The following CDYL2 variants were observed in gnomAD, a reference collection of about 807,000 sequenced individuals.
CDYL2 encodes the protein chromodomain Y-like protein 2.
CDYL2 carries 23 observed loss-of-function variants against 49.4 expected under a neutral mutation model. The observed-to-expected ratio is 0.47, with a 90% CI of 0.34 to 0.66. CDYL2 has a LOEUF of 0.66. CDYL2 is among the 30% of genes least tolerant of loss of function. CDYL2 has a pLI of 0.01. For synonymous variants in CDYL2, 360 were observed against 268.8 expected (o/e 1.34, Z -3.32); for missense variants, 678 against 656.4 (o/e 1.03, Z -0.36).
At chr16:80,631,844 A>G (rs1047605168) in intron 3 of CDYL2, among the ~76,000 whole-genome samples, 1 of 152,184 alleles carries the variant, frequency 6.6e-6, no homozygotes, top group Non-Finnish European at 1.5e-5. Flanking sequence ...ATGAGATACC[A>G]CCTCACATGC....
At chr16:80,694,672 C>G (rs1169433882) in intron 1 of CDYL2, among the ~76,000 whole-genome samples, 2 of 152,136 alleles carry the variant, frequency 1.3e-5, no homozygotes, top group African/African-American at 4.8e-5. Flanking sequence ...CATCTTTCCT[C>G]TGAGAAGACC....
chr16:80,634,277 A>G (rs1243151626), intron 2 of CDYL2, among the ~76,000 whole-genome samples: 2 of 152,246 alleles, frequency 1.3e-5, no homozygotes, highest in East Asian at 3.8e-4. Flanking sequence ...CTGGATTAAG[A>G]AAATGTGGCA....
chr16:80,694,974 C>G (rs1452878087), intron 1 of CDYL2, among the ~76,000 whole-genome samples: 1 of 152,216 alleles, frequency 6.6e-6, no homozygotes, highest in African/African-American at 2.4e-5. Flanking sequence ...CAAAATTAAG[C>G]AACATGCTCC....
Position 80,804,341 on chromosome 16 carries a change from G to C in CDYL2, c.-168C>G. ...TTGCAGAATGACAGGCTTGGGGGCT[G>C]CCTATGCGCAGAATCAGAGCGGGCG... On this transcript the variant is annotated 5_prime_UTR_variant, in exon 1 of 7. Transcript: ENST00000570137. The C allele has an allele frequency of 2.8e-6, 1 of 356,310 alleles. No individual in the cohort carries two copies. Among genetic ancestry groups the C allele is most frequent in the Non-Finnish European group, 4.3e-6 (1 of 232,594 alleles). The allele number at this position is 356,310 out of a possible 1,614,324, so 22.1% of individuals were successfully genotyped here. A position where few individuals can be genotyped will look rare whatever the true frequency, so the allele number is the denominator to read the frequency against.
Position 80,608,150 on chromosome 16 carries a change from G to T in CDYL2, c.1304C>A (p.Thr435Asn). The stretch of plus-strand genomic sequence containing the variant: ...CAGCATGACCTCCTGGCTGAACGTG[G>T]TGGGCCAGAAGACCTGCGACACCAG... ...RGLVSQVFWP[T>N]TFSQEVMLRV... Residue 435 changes from threonine to asparagine, a missense_variant, in exon 6 of 7, where the codon ACC becomes AAC. Physicochemically the swap from Thr to Asn is moderately conservative, Grantham distance 65. Around this residue, in one of 3 missense-constraint regions of CDYL2, gnomAD observed 153 missense variants for 150.6 expected, o/e 1.02. Transcript: ENST00000570137. 6.2e-7 allele frequency: 1 copy of T among 1,605,762 alleles called. No homozygotes were observed. Among genetic ancestry groups the T allele is most frequent in the Non-Finnish European group, 8.5e-7 (1 of 1,176,366 alleles).
intron 2 of CDYL2, among the ~76,000 whole-genome samples, chr16:80,681,937 T>C (rs1005234252): frequency 6.6e-6 from 1 of 152,202 alleles, no homozygotes; most frequent in Non-Finnish European, 1.5e-5. Flanking sequence ...CAGTATTGAA[T>C]TGAATTAAAT....
chr16:80,655,574 G>A (rs773032187), intron 2 of CDYL2, among the ~76,000 whole-genome samples: 18 of 152,108 alleles, frequency 1.2e-4, no homozygotes, highest in Non-Finnish European at 1.9e-4. Context: ...AGAAGCACCC[G>A]AAGAGACGAG....
intron 4 of CDYL2, among the ~76,000 whole-genome samples, chr16:80,618,121 A>T (rs886912440): frequency 2.6e-5 from 4 of 152,204 alleles, no homozygotes; most frequent in Non-Finnish European, 4.4e-5. Context: ...CCTTTGAAGC[A>T]TCGAGAAGAA....
At chr16:80,657,939 C>G (rs1330832154) in intron 2 of CDYL2, among the ~76,000 whole-genome samples, 1 of 151,786 alleles carries the variant, frequency 6.6e-6, no homozygotes, top group Non-Finnish European at 1.5e-5. Flanking sequence ...TACGATGCAC[C>G]CACACAATAG....
At chr16:80,712,499 C>G (rs937184650) in intron 1 of CDYL2, among the ~76,000 whole-genome samples, 1 of 151,994 alleles carries the variant, frequency 6.6e-6, no homozygotes, top group African/African-American at 2.4e-5. Flanking sequence ...GAAACTGAAC[C>G]CTCTCAGATG....
intron 1 of CDYL2, among the ~76,000 whole-genome samples, chr16:80,752,508 A>C (rs1906171209): frequency 6.6e-6 from 1 of 152,234 alleles, no homozygotes; most frequent in African/African-American, 2.4e-5. Flanking sequence ...AAAAGTACCC[A>C]GATAAGAAAA....
chr16:80,647,892 T>A (rs1478749142), intron 2 of CDYL2, among the ~76,000 whole-genome samples: 1 of 151,928 alleles, frequency 6.6e-6, no homozygotes, highest in Admixed American at 6.6e-5. Flanking sequence ...ACTATACAAA[T>A]ACATGGAAAT....
At chr16:80,670,829 G>A (rs1033763696) in intron 2 of CDYL2, 23 of 445,602 alleles carry the variant, frequency 5.2e-5, no homozygotes, top group Admixed American at 2.4e-4. Flanking sequence ...CACCACAGTC[G>A]GGTTGCACAC....
intron 1 of CDYL2, among the ~76,000 whole-genome samples, chr16:80,779,316 CAAT>C (rs1427811684): frequency 2.0e-5 from 3 of 151,680 alleles, no homozygotes; most frequent in African/African-American, 7.3e-5. Context: ...TTTCTATTAT[CAAT>C]AAGAAATGAA....
chr16:80,655,936 G>C (rs908786721), intron 2 of CDYL2, among the ~76,000 whole-genome samples: 4 of 152,190 alleles, frequency 2.6e-5, no homozygotes, highest in Non-Finnish European at 5.9e-5. Flanking sequence ...GTGAGAAACA[G>C]AACATGTTGG....
rs776503415 is a variant in CDYL2 at position 80,633,195 on chromosome 16, C to A, written c.658G>T (p.Val220Leu). ...TTCTCCGCTTCCAGCTTCCTCTTCA[C>A]TGGACTGTGCAGGTTCAATCCCCCG... is the stretch of plus-strand genomic sequence containing the variant. ...TNGGLNLHSP[V>L]KRKLEAEKDY... Residue 220 changes from valine (V) to leucine (L), a missense_variant, in exon 3 of 7, where the codon GTG (valine) becomes TTG (leucine). Coordinates refer to ENST00000570137, the MANE Select transcript of CDYL2 (RefSeq NM_152342.4). The A allele has an allele frequency of 3.7e-5, 60 of 1,614,208 alleles. No individual in the cohort carries two copies. The highest frequency in any genetic ancestry group is 4.2e-5 in the Non-Finnish European group (50 of 1,180,018).
chr16:80,746,248 A>C (rs898808226), intron 1 of CDYL2, among the ~76,000 whole-genome samples: 14 of 152,288 alleles, frequency 9.2e-5, no homozygotes, highest in African/African-American at 3.4e-4. Context: ...GTCTGAGCAA[A>C]AGCACAGGCT....
chr16:80,666,192 G>C lies in CDYL2; in HGVS notation c.616+18346C>G, dbSNP rs552403691. ...CTGGAGATGCTAAGAGGCAATGTTT[G>C]TATTTGAACACACGGAGCCTCTTTC... On this transcript the variant is annotated intron_variant, in intron 2 of 6. Coordinates refer to ENST00000570137, the MANE Select transcript of CDYL2 (RefSeq NM_152342.4). Among the ~76,000 whole-genome samples, 6 of 152,302 alleles carry C rather than the reference G, an allele frequency of 3.9e-5. No homozygotes were observed. The South Asian group carries it at 1.2e-3, about 32-fold the overall frequency.
rs1369417943 is a variant in CDYL2 at position 80,763,747 on chromosome 16, T to C, written c.24+40403A>G. On this transcript the variant is annotated intron_variant, in intron 1 of 6. Coordinates refer to ENST00000570137, the MANE Select transcript of CDYL2 (RefSeq NM_152342.4). Reference sequence around the variant, plus strand: ...GTACAATCTGGAGTCCCAAAATAATTTGCAGATAATTCACTCACCAAATGT... The same window carrying C: ...GTACAATCTGGAGTCCCAAAATAATCTGCAGATAATTCACTCACCAAATGT... 3.9e-5 allele frequency among the ~76,000 whole-genome samples: 6 copies of C among 152,202 alleles called. No individual in the cohort carries two copies. The East Asian group carries it at 1.2e-3, about 29-fold the overall frequency.
Sources: allele counts gnomAD v4.1 joint callset (sites outside exome capture counted in the v4.1 genomes callset), GRCh38; gene constraint gnomAD v4.1.1; regional missense constraint gnomAD v4.1.1; transcripts MANE v1.5; gene names NCBI Gene and HGNC (gene_info 2026-07-23, HGNC 2026-07-21).